The following PDE7A variants were observed in gnomAD, a reference collection of about 807,000 sequenced individuals.
PDE7A encodes high affinity 3',5'-cyclic-AMP phosphodiesterase 7A.
Under a neutral mutation model 64.3 loss-of-function variants are expected in PDE7A, and 39 were observed. The observed-to-expected ratio is 0.61, with a 90% confidence interval of 0.47 to 0.79. The LOEUF is 0.79. PDE7A is among the 30% of genes least tolerant of loss of function. PDE7A has a pLI of 0.00. For missense variants in PDE7A, 470 were observed against 582.8 expected (o/e 0.81, Z 1.99); for synonymous variants, 203 against 206.8 (o/e 0.98, Z 0.16).
Position 65,739,527 on chromosome 8 carries a change from A to C in PDE7A, c.570T>G (p.Asp190Glu), listed in dbSNP as rs776319034. ...CTAAAAATCTACGAAGTTTCATCAT[A>C]TCTAAATGGAAGTACTCAATTAATC... ...LHGLIEYFHL[D>E]MMKLRRFLVM... Residue 190 changes from aspartate (D) to glutamate (E), a missense_variant, in exon 6 of 13, where the codon GAT becomes GAG. Asp to Glu is a conservative substitution (Grantham distance 45). Transcript: ENST00000401827. 1 of 1,569,772 alleles carries C rather than the reference A, an allele frequency of 6.4e-7. No individual in the cohort carries two copies. Among genetic ancestry groups the C allele is most frequent in the South Asian group, 1.2e-5 (1 of 81,214 alleles).
Position 65,715,468 on chromosome 8 carries a change from C to G in PDE7A, c.*3822G>C, listed in dbSNP as rs1461984942. 6.6e-6 allele frequency among the ~76,000 whole-genome samples: 1 copy of G among 151,522 alleles called. No homozygotes were observed. The highest frequency in any genetic ancestry group is 2.4e-5 in the African/African-American group (1 of 41,288). On this transcript the variant is annotated 3_prime_UTR_variant, in exon 13 of 13. Transcript: ENST00000401827. ...TCTCTGCTCCTTGCAACCTCCGCCA[C>G]CTGGGTTCAAGCAATTCTTCCGCCT...
chr8:65,768,073 TCCA>T (rs1224311760), intron 3 of PDE7A, among the ~76,000 whole-genome samples: 3 of 152,098 alleles, frequency 2.0e-5, no homozygotes, highest in Non-Finnish European at 4.4e-5. Context: ...CCAGTTGGTG[TCCA>T]CCGCTTGGTG....
intron 1 of PDE7A, among the ~76,000 whole-genome samples, chr8:65,810,385 A>C (rs1810231623): frequency 6.6e-6 from 1 of 152,178 alleles, no homozygotes; most frequent in Non-Finnish European, 1.5e-5. Flanking sequence ...ATTAGAAGAA[A>C]TACCTAATGT....
intron 1 of PDE7A, among the ~76,000 whole-genome samples, chr8:65,819,151 C>T (rs569384041): frequency 6.6e-6 from 1 of 152,312 alleles, no homozygotes; most frequent in African/African-American, 2.4e-5. Flanking sequence ...TATGCAGGCA[C>T]TTTGGGAGGC....
At chr8:65,788,402 A>C (rs1001779257) in intron 1 of PDE7A, among the ~76,000 whole-genome samples, 2 of 152,224 alleles carry the variant, frequency 1.3e-5, no homozygotes, top group African/African-American at 4.8e-5. Flanking sequence ...TAGCTAAGGC[A>C]CGTATTTTAG....
intron 3 of PDE7A, among the ~76,000 whole-genome samples, chr8:65,762,073 T>C (rs1808525702): frequency 6.6e-6 from 1 of 152,218 alleles, no homozygotes. Context: ...ATCATGAAGA[T>C]ACTAATCATG....
chr8:65,780,342 A>G (rs1231529545), intron 2 of PDE7A, among the ~76,000 whole-genome samples: 1 of 152,218 alleles, frequency 6.6e-6, no homozygotes, highest in Non-Finnish European at 1.5e-5. Context: ...AGATGTGTAA[A>G]AACTTAAAAT....
At chr8:65,781,894 G>A (rs183276006) in intron 2 of PDE7A, among the ~76,000 whole-genome samples, 1 of 152,184 alleles carries the variant, frequency 6.6e-6, no homozygotes, top group Admixed American at 6.5e-5. Flanking sequence ...CTGCACATTT[G>A]TGGGGGAAAA....
intron 1 of PDE7A, among the ~76,000 whole-genome samples, chr8:65,831,733 C>T (rs1001338236): frequency 2.0e-5 from 3 of 152,016 alleles, no homozygotes; most frequent in Non-Finnish European, 2.9e-5. Flanking sequence ...AAATACCTTT[C>T]AAGCTGCTGT....
intron 4 of PDE7A, among the ~76,000 whole-genome samples, chr8:65,746,208 ACAGGCATGAGC>A (rs983234893): frequency 6.6e-6 from 1 of 151,726 alleles, no homozygotes; most frequent in African/African-American, 2.4e-5. Context: ...TGCTAGGATT[ACAGGCATGAGC>A]CACTGCACCC....
intron 1 of PDE7A, among the ~76,000 whole-genome samples, chr8:65,823,478 C>T (rs1451841859): frequency 2.0e-5 from 3 of 152,056 alleles, no homozygotes; most frequent in Non-Finnish European, 4.4e-5. Context: ...CTAAATGGGT[C>T]TTATTTTCTA....
intron 3 of PDE7A, among the ~76,000 whole-genome samples, chr8:65,758,693 G>A (rs186696024): frequency 6.6e-6 from 1 of 152,332 alleles, no homozygotes; most frequent in East Asian, 1.9e-4. Flanking sequence ...TCTCTGCCCA[G>A]TGCTGGACAT....
At chr8:65,750,762 C>G (rs568311288) in intron 3 of PDE7A, among the ~76,000 whole-genome samples, 1 of 152,180 alleles carries the variant, frequency 6.6e-6, no homozygotes, top group South Asian at 2.1e-4. Flanking sequence ...TGGGCAACTT[C>G]TGACAAGTCA....
intron 1 of PDE7A, among the ~76,000 whole-genome samples, chr8:65,831,325 G>A (rs962133339): frequency 6.6e-6 from 1 of 152,020 alleles, no homozygotes; most frequent in Admixed American, 6.6e-5. Flanking sequence ...GTTTTTGAAA[G>A]AAGAAAGAAA....
chr8:65,763,672 C>T lies in PDE7A; in HGVS notation c.284-15869G>A, dbSNP rs561598547. Among the ~76,000 whole-genome samples, 6 of 152,304 alleles carry T rather than the reference C, an allele frequency of 3.9e-5. 1 individual carries two copies. The South Asian group carries it at 8.3e-4, about 21-fold the overall frequency. On this transcript the variant is annotated intron_variant, in intron 3 of 12. Transcript: ENST00000401827. ...GATCCCTCTTATGCTGAAACTCAGA[C>T]GCTGAACATAGCATAGCTCCTCAGT...
At chr8:65,748,097 G>GT (rs199665356) in intron 3 of PDE7A, among the ~76,000 whole-genome samples, 14,325 of 142,496 alleles carry the variant, frequency 0.1, 1,644 homozygotes, top group East Asian at 0.51. Flanking sequence ...ATCACGGTTT[G>GT]TTTTTTTTTT....
chr8:65,742,915 ATC>A (rs1807506302), intron 5 of PDE7A, among the ~76,000 whole-genome samples: 1 of 152,220 alleles, frequency 6.6e-6, no homozygotes, highest in South Asian at 2.1e-4. Context: ...GAGTGAGGTG[ATC>A]AAAAGGAAAG....
chr8:65,770,141 G>A (rs1302860686), intron 3 of PDE7A, among the ~76,000 whole-genome samples: 1 of 147,388 alleles, frequency 6.8e-6, no homozygotes, highest in Non-Finnish European at 1.5e-5. Context: ...GTGTGTGTGT[G>A]TGTGTGTGTG....
rs974676377 is a variant in PDE7A, at chr8:65,744,150, C to G, written c.499+1257G>C. ...GCCCAGCCTAGCTGAACTGCTTTTA[C>G]CAGTGAATAAGAACACAAATCAACA... On this transcript the variant is annotated intron_variant, in intron 5 of 12. Transcript: ENST00000401827. Among the ~76,000 whole-genome samples, 3 of 152,016 alleles carry G rather than the reference C, an allele frequency of 2.0e-5. No individual in the cohort carries two copies. In the East Asian group the frequency reaches 5.8e-4, roughly 29 times the overall value.
Sources: allele counts gnomAD v4.1 joint callset (sites outside exome capture counted in the v4.1 genomes callset), GRCh38; gene constraint gnomAD v4.1.1; transcripts MANE v1.5; gene names NCBI Gene and HGNC (gene_info 2026-07-23, HGNC 2026-07-21).